Variants in PTPRT observed in about 807,000 individuals in gnomAD.
PTPRT encodes receptor-type tyrosine-protein phosphatase T.
Under a neutral mutation model 176.8 loss-of-function variants are expected in PTPRT, and 56 were observed. The ratio of observed to expected loss-of-function variants is 0.32; its 90% CI spans 0.26 to 0.40. PTPRT has a LOEUF of 0.40. Ranked by LOEUF, PTPRT falls within the 10% of genes least tolerant of loss-of-function variation. The probability of loss-of-function intolerance (pLI) is 1.00; values close to 1 mark genes in which losing one functional copy is unlikely to be tolerated. For missense variants in PTPRT, 1,540 were observed against 1,908.2 expected (o/e 0.81, Z 3.60); for synonymous variants, 783 against 739.0 (o/e 1.06, Z -0.96).
At chr20:43,145,573 T>C (rs1468346523) in intron 1 of PTPRT, among the ~76,000 whole-genome samples, 1 of 152,194 alleles carries the variant, frequency 6.6e-6, no homozygotes, top group Non-Finnish European at 1.5e-5. Context: ...GAGTTTCTTA[T>C]CAAGACAGAA....
At chr20:42,258,701 TC>T (rs1295147492) in intron 13 of PTPRT, among the ~76,000 whole-genome samples, 3 of 152,194 alleles carry the variant, frequency 2.0e-5, no homozygotes, top group Non-Finnish European at 4.4e-5. Flanking sequence ...GATTATTTCA[TC>T]ATTCTTCTAA....
chr20:43,094,382 G>A (rs1469343696), intron 1 of PTPRT, among the ~76,000 whole-genome samples: 35 of 143,988 alleles, frequency 2.4e-4, no homozygotes, highest in Admixed American at 1.6e-3. Context: ...CACCGCACCC[G>A]GCCTCTTTCT....
At chr20:42,559,658 G>T (rs569251462) in intron 7 of PTPRT, among the ~76,000 whole-genome samples, 1 of 152,292 alleles carries the variant, frequency 6.6e-6, no homozygotes, top group South Asian at 2.1e-4. Flanking sequence ...CTGACTTGAA[G>T]AAGCTGGGCT....
In PTPRT at chr20:42,705,748, G is replaced by T. The variant is rs533857878; in HGVS notation, c.860-27589C>A. On this transcript the variant is annotated intron_variant, in intron 6 of 30. Coordinates refer to ENST00000373187, the MANE Select transcript of PTPRT (RefSeq NM_007050.6). ...CATGGCAACCTTGGCTTCTATTGTG[G>T]CTTCTCATTTCTGTTATGTCTACTC... is the stretch of plus-strand genomic sequence containing the variant. 8.5e-5 allele frequency among the ~76,000 whole-genome samples: 13 copies of T among 152,198 alleles called. No individual in the cohort carries two copies. In the East Asian group the frequency reaches 2.3e-3, roughly 27 times the overall value.
At chr20:42,586,308 T>C (rs2073470517) in intron 7 of PTPRT, among the ~76,000 whole-genome samples, 1 of 152,206 alleles carries the variant, frequency 6.6e-6, no homozygotes, top group Non-Finnish European at 1.5e-5. Context: ...AGGAAATATC[T>C]ACAATACAAG....
At chr20:42,060,859 A>G in the PTPRT span, among the ~76,000 whole-genome samples, 5 of 152,168 alleles carry the variant, frequency 3.3e-5, no homozygotes, top group South Asian at 2.1e-4. Context: ...AGTTCCTTGC[A>G]TTTTACTTTA....
At chr20:42,196,193 G>C (rs1380639723) in intron 16 of PTPRT, among the ~76,000 whole-genome samples, 2 of 152,164 alleles carry the variant, frequency 1.3e-5, no homozygotes, top group African/African-American at 2.4e-5. Context: ...GGACAGAAAA[G>C]GATGAATTGG....
chr20:43,106,265 C>T (rs2425600), intron 1 of PTPRT, among the ~76,000 whole-genome samples: 43,793 of 151,966 alleles, frequency 0.29, 6,725 homozygotes, highest in Non-Finnish European at 0.35. Context: ...TTCCCAGGAG[C>T]CCTGTAGCCC....
chr20:42,286,228 G>A (rs2057228525), intron 12 of PTPRT, among the ~76,000 whole-genome samples: 2 of 151,518 alleles, frequency 1.3e-5, no homozygotes, highest in South Asian at 4.2e-4. Flanking sequence ...ATAGAAAGAA[G>A]TCCTAAAATT....
rs770579016 is a variant in PTPRT at position 42,472,248 on chromosome 20, C to T, written c.1450+18G>A. The T allele has an allele frequency of 4.4e-6, 7 of 1,608,820 alleles. No individual in the cohort carries two copies. The highest frequency in any genetic ancestry group is 5.1e-6 in the Non-Finnish European group (6 of 1,176,848). On this transcript the variant is annotated intron_variant, in intron 8 of 30. Transcript: ENST00000373187. The stretch of plus-strand genomic sequence containing the variant: ...TTCAATATCCCCATTCCCATGTAAG[C>T]TCTCCTCCCTTGCTCACCGTCTTCC...
At chr20:42,350,423 C>T (rs73906915) in intron 11 of PTPRT, among the ~76,000 whole-genome samples, 3,358 of 151,978 alleles carry the variant, frequency 0.022, 118 homozygotes, top group African/African-American at 0.078. Context: ...TTTGTATAGA[C>T]GGGGTCTCCC....
At chr20:42,199,436 T>G in intron 15 of PTPRT, 48 bp from the exon 16 acceptor site, 1 of 1,595,618 alleles carries the variant, frequency 6.3e-7, no homozygotes, top group South Asian at 1.1e-5. Context: ...ATGGTGCCAG[T>G]TGCATTAAAG....
At chr20:42,655,689 G>A (rs957968589) in intron 7 of PTPRT, among the ~76,000 whole-genome samples, 3 of 152,034 alleles carry the variant, frequency 2.0e-5, no homozygotes, top group African/African-American at 7.2e-5. Flanking sequence ...CTGATTGGGT[G>A]TAAAGGCTAA....
intron 7 of PTPRT, among the ~76,000 whole-genome samples, chr20:42,606,372 A>G (rs1312325812): frequency 6.6e-6 from 1 of 152,196 alleles, no homozygotes; most frequent in Non-Finnish European, 1.5e-5. Context: ...CAGAAAAAGT[A>G]TGGGGGCTAC....
chr20:42,636,842 G>A (rs1213676607), intron 7 of PTPRT, among the ~76,000 whole-genome samples: 1 of 152,068 alleles, frequency 6.6e-6, no homozygotes, highest in East Asian at 1.9e-4. Context: ...AAGGATGGAA[G>A]TGATGGTGAG....
Position 42,751,015 on chromosome 20 carries a change from C to T in PTPRT, c.859+5447G>A, listed in dbSNP as rs951943246. Among the ~76,000 whole-genome samples the T allele has an allele frequency of 2.0e-4, 31 of 152,148 alleles. 1 individual carries two copies. Among genetic ancestry groups the T allele is most frequent in the African/African-American group, 6.5e-4 (27 of 41,414 alleles). ...TTTGCTTTCATTTCGGTCTGTGTGT[C>T]GCCCTGAGAATTTGATATTACCTAC... On this transcript the variant is annotated intron_variant, in intron 6 of 30. Transcript: ENST00000373187.
rs898909481 is a variant in PTPRT at position 42,472,117 on chromosome 20, A to G, written c.1450+149T>C. 2.5e-5 allele frequency: 22 copies of G among 871,922 alleles called. No homozygotes were observed. In the South Asian group the frequency reaches 3.9e-4, roughly 15 times the overall value. 54.0% of individuals were successfully genotyped at this position (871,922 alleles called of 1,614,324 possible). A position where few individuals can be genotyped will look rare whatever the true frequency, so the allele number is the denominator to read the frequency against. ...TGGAGTTGTGCAATGCACAGTTTACATAGTCCTTCATTGAAGGCCTAAGAA... is the reference window on the plus strand; with the variant it reads ...TGGAGTTGTGCAATGCACAGTTTACGTAGTCCTTCATTGAAGGCCTAAGAA... On this transcript the variant is annotated intron_variant, in intron 8 of 30. Coordinates refer to ENST00000373187, the MANE Select transcript of PTPRT (RefSeq NM_007050.6).
At chr20:42,866,849 T>C (rs1250097689) in intron 2 of PTPRT, among the ~76,000 whole-genome samples, 3 of 152,250 alleles carry the variant, frequency 2.0e-5, no homozygotes, top group African/African-American at 7.2e-5. Flanking sequence ...TTAATCTTTG[T>C]GTGCCTCATT....
At chr20:42,387,399 G>A (rs2058755071) in intron 9 of PTPRT, among the ~76,000 whole-genome samples, 1 of 152,218 alleles carries the variant, frequency 6.6e-6, no homozygotes, top group Admixed American at 6.5e-5. Context: ...GCACAAGCAG[G>A]CTGGCTACAG....
Sources: allele counts gnomAD v4.1 joint callset (sites outside exome capture counted in the v4.1 genomes callset), GRCh38; gene constraint gnomAD v4.1.1; transcripts MANE v1.5; gene names NCBI Gene and HGNC (gene_info 2026-07-23, HGNC 2026-07-21).